Variants in NNT observed in about 807,000 individuals in gnomAD.
The protein encoded by NNT is NAD(P) transhydrogenase, mitochondrial.
NNT carries 50 observed loss-of-function variants against 104.8 expected under a neutral mutation model. The observed-to-expected ratio is 0.48, with a 90% CI of 0.38 to 0.60. The LOEUF is 0.60. Among genes scored for constraint, NNT ranks in the 20% least tolerant of loss-of-function variants. The pLI, the probability that NNT is intolerant of heterozygous loss-of-function variation, is 0.00. For missense variants in NNT, 1,131 were observed against 1,330.7 expected, an observed-to-expected ratio of 0.85 and a Z score of 2.33; for synonymous variants, 461 against 490.4, an observed-to-expected ratio of 0.94 and a Z score of 0.79.
At chr5:43,665,690 C>G (rs1433767256) in intron 17 of NNT, among the ~76,000 whole-genome samples, 1 of 148,950 alleles carries the variant, frequency 6.7e-6, no homozygotes, top group East Asian at 1.9e-4. Flanking sequence ...TCCCCCTTTT[C>G]TATTCGACAA....
chr5:43,620,718 C>T (rs1301401149), intron 5 of NNT, among the ~76,000 whole-genome samples: 1 of 152,186 alleles, frequency 6.6e-6, no homozygotes, highest in Non-Finnish European at 1.5e-5. Flanking sequence ...GCAAACAACA[C>T]AGACGTGAGA....
chr5:43,698,744 C>T (rs1742691639), intron 19 of NNT, among the ~76,000 whole-genome samples: 1 of 151,894 alleles, frequency 6.6e-6, no homozygotes, highest in South Asian at 2.1e-4. Flanking sequence ...GTTGCACTTT[C>T]TAAGAACTTA....
chr5:43,623,970 C>T, intron 5 of NNT, 62 bp from the exon 6 acceptor site: 1 of 1,464,850 alleles, frequency 6.8e-7, no homozygotes, highest in Non-Finnish European at 9.6e-7. Context: ...TAATTGTTAG[C>T]TGATGATTTT....
intron 17 of NNT, among the ~76,000 whole-genome samples, chr5:43,671,114 T>C (rs1045859846): frequency 6.6e-6 from 1 of 152,202 alleles, no homozygotes; most frequent in Non-Finnish European, 1.5e-5. Flanking sequence ...ACCCCTGCTT[T>C]TTTTTGCTTT....
chr5:43,607,167 C>T (rs931280042), intron 1 of NNT, among the ~76,000 whole-genome samples: 2 of 151,974 alleles, frequency 1.3e-5, no homozygotes, highest in African/African-American at 4.8e-5. Flanking sequence ...TCACTCCTGT[C>T]AGGACTCTGA....
At chr5:43,659,513 G>A (rs1038951472) in intron 17 of NNT, among the ~76,000 whole-genome samples, 163 bp downstream of exon 17, 2 of 152,082 alleles carry the variant, frequency 1.3e-5, no homozygotes, top group Non-Finnish European at 2.9e-5. Flanking sequence ...GGTGGATCAC[G>A]AGCTCAGGAG....
At chr5:43,630,304 C>A (rs1750610413) in intron 7 of NNT, among the ~76,000 whole-genome samples, 1 of 152,064 alleles carries the variant, frequency 6.6e-6, no homozygotes, top group South Asian at 2.1e-4. Flanking sequence ...TTTACATTTT[C>A]TTTGTTAAGA....
chr5:43,620,299 A>G (rs552309436), intron 5 of NNT, among the ~76,000 whole-genome samples: 8 of 152,014 alleles, frequency 5.3e-5, no homozygotes, highest in Non-Finnish European at 8.8e-5. Flanking sequence ...GGCTCACTGC[A>G]AGCTCCACCT....
intron 18 of NNT, among the ~76,000 whole-genome samples, chr5:43,676,844 G>A (rs564331692): frequency 3.9e-5 from 6 of 152,244 alleles, no homozygotes; most frequent in African/African-American, 1.2e-4. Context: ...GTAGGGAGGC[G>A]ACGATTTGTT....
intron 19 of NNT, among the ~76,000 whole-genome samples, chr5:43,681,231 G>T (rs376737207): frequency 1.4e-5 from 2 of 138,614 alleles, no homozygotes; most frequent in Admixed American, 7.5e-5. Flanking sequence ...TTGCACTCCA[G>T]CCTGGGTGAC....
chr5:43,688,939 T>C (rs949142686), intron 19 of NNT, among the ~76,000 whole-genome samples: 2 of 152,230 alleles, frequency 1.3e-5, no homozygotes, highest in African/African-American at 4.8e-5. Flanking sequence ...AAATGGTAGA[T>C]CTACTTTCAG....
At position 43,670,110 on chromosome 5, in the gene NNT, G is replaced by A. The variant is rs1191795737; in HGVS notation, c.2635-5401G>A. Among the ~76,000 whole-genome samples, 5 of 152,244 alleles carry A rather than the reference G, an allele frequency of 3.3e-5. No individual in the cohort carries two copies. In the East Asian group the frequency reaches 7.7e-4, roughly 24 times the overall value. Reference sequence around the variant, plus strand: ...TTCTCTGATGGTAGTTTGTATTTCTGTGGGATTGGTGGTGATATTCTCCTT... The same window carrying A: ...TTCTCTGATGGTAGTTTGTATTTCTATGGGATTGGTGGTGATATTCTCCTT... On this transcript the variant is annotated intron_variant, in intron 17 of 21. Coordinates refer to ENST00000344920, the MANE Select transcript of NNT (RefSeq NM_182977.3).
At chr5:43,671,481 G>A (rs570683962) in intron 17 of NNT, among the ~76,000 whole-genome samples, 27 of 152,280 alleles carry the variant, frequency 1.8e-4, no homozygotes, top group African/African-American at 2.6e-4. Flanking sequence ...CAGGCCTGGC[G>A]GTGACAAAAT....
At chr5:43,624,288 G>A (rs1360477773) in intron 6 of NNT, among the ~76,000 whole-genome samples, 168 bp downstream of exon 6, 1 of 152,222 alleles carries the variant, frequency 6.6e-6, no homozygotes, top group Non-Finnish European at 1.5e-5. Context: ...AAGTGAAAAT[G>A]TATTACTTAA....
In NNT at chr5:43,675,554, G is replaced by A; in HGVS notation, c.2678G>A (p.Gly893Asp). 6.2e-7 allele frequency: 1 copy of A among 1,613,098 alleles called. No individual in the cohort carries two copies. ...GCTAATGTGATTCTTGGAGGCTATG[G>A]CACCACTTCAACAGCTGGTGGAAAA... ...SLANVILGGY[G>D]TTSTAGGKPM... Residue 893 changes from glycine (G) to aspartate (D), a missense_variant, in exon 18 of 22, where the codon GGC becomes GAC. Physicochemically the swap from Gly to Asp is moderately conservative, Grantham distance 94 (BLOSUM62 -1). Coordinates refer to ENST00000344920, the MANE Select transcript of NNT (RefSeq NM_182977.3).
Position 43,659,325 on chromosome 5 carries a change from C to T in NNT, c.2609C>T (p.Ala870Val). The T allele has an allele frequency of 1.2e-6, 2 of 1,612,896 alleles. No individual in the cohort carries two copies. The highest frequency in any genetic ancestry group is 1.7e-6 in the Non-Finnish European group (2 of 1,179,600). Residue 870 changes from alanine to valine, a missense_variant, in exon 17 of 22, where the codon GCT becomes GTT. Transcript: ENST00000344920. ...GGTGCACTCATAGGCTCGTCTGGTG[C>T]TATCCTGTCATACATCATGTGTGTG... ...IVGALIGSSGAILSYIMCVAM... is the reference protein window; with the variant it reads ...IVGALIGSSGVILSYIMCVAM...
At chr5:43,696,900 C>G (rs1742585627) in intron 19 of NNT, among the ~76,000 whole-genome samples, 1 of 152,186 alleles carries the variant, frequency 6.6e-6, no homozygotes, top group Non-Finnish European at 1.5e-5. Flanking sequence ...GGGCCTGGCC[C>G]ATGAAACCAT....
At chr5:43,607,840 G>A (rs565598857) in intron 1 of NNT, among the ~76,000 whole-genome samples, 2 of 152,322 alleles carry the variant, frequency 1.3e-5, no homozygotes, top group African/African-American at 2.4e-5. Flanking sequence ...GCTCAGTCCC[G>A]TGAGGGTCCA....
intron 19 of NNT, 40 bp from the exon 20 acceptor site, chr5:43,700,079 C>T: frequency 3.3e-6 from 5 of 1,515,072 alleles, no homozygotes; most frequent in Non-Finnish European, 4.6e-6. Context: ...ACATTATGTC[C>T]TGTCAAGTAA....
Sources: gnomAD v4.1 joint callset for allele counts (sites outside exome capture counted in the v4.1 genomes callset) on GRCh38, gnomAD v4.1.1 for gene constraint, MANE v1.5 for transcripts, NCBI Gene and HGNC (gene_info 2026-07-23, HGNC 2026-07-21) for gene names.